The following ARB2A variants were observed in gnomAD, a reference collection of about 807,000 sequenced individuals.
ARB2A encodes the protein cotranscriptional regulator ARB2A.
the ARB2A span, among the ~76,000 whole-genome samples, chr5:93,785,149 A>C: frequency 6.6e-6 from 1 of 152,184 alleles, no homozygotes; most frequent in South Asian, 2.1e-4. Context: ...ATAACAAAAA[A>C]AGATTTGCTT....
the ARB2A span, among the ~76,000 whole-genome samples, chr5:94,091,456 A>G: frequency 6.6e-6 from 1 of 152,200 alleles, no homozygotes; most frequent in East Asian, 1.9e-4. Context: ...ATCAAAGAAC[A>G]GGATACAGAT....
chr5:93,989,710 G>A, the ARB2A span, among the ~76,000 whole-genome samples: 2 of 152,036 alleles, frequency 1.3e-5, no homozygotes, highest in African/African-American at 2.4e-5. Context: ...CTTTAATACT[G>A]GGTATATTCA....
the ARB2A span, among the ~76,000 whole-genome samples, chr5:93,698,778 C>T: frequency 6.6e-6 from 1 of 152,122 alleles, no homozygotes; most frequent in Admixed American, 6.6e-5. Context: ...ATATGTTAGG[C>T]ATTGAAGCAA....
chr5:94,016,927 T>C, the ARB2A span, among the ~76,000 whole-genome samples: 1 of 152,182 alleles, frequency 6.6e-6, no homozygotes. Flanking sequence ...ATCAAGGACT[T>C]GATGGGGTGA....
At chr5:93,655,863 G>C in the ARB2A span, among the ~76,000 whole-genome samples, 1 of 152,166 alleles carries the variant, frequency 6.6e-6, no homozygotes, top group Non-Finnish European at 1.5e-5. Flanking sequence ...TCCTGTCTCA[G>C]TCACTCTTCA....
At chr5:94,067,123 T>G in the ARB2A span, among the ~76,000 whole-genome samples, 2 of 152,312 alleles carry the variant, frequency 1.3e-5, no homozygotes, top group Admixed American at 1.3e-4. Flanking sequence ...GTGAAAGCAT[T>G]TGATAAAATT....
the ARB2A span, among the ~76,000 whole-genome samples, chr5:94,046,788 T>C: frequency 1.3e-5 from 2 of 152,210 alleles, no homozygotes; most frequent in Non-Finnish European, 2.9e-5. Flanking sequence ...AACCTGCTTT[T>C]TGGTTACAGA....
chr5:93,681,841 C>T, the ARB2A span, among the ~76,000 whole-genome samples: 1 of 152,078 alleles, frequency 6.6e-6, no homozygotes, highest in East Asian at 1.9e-4. Context: ...GGAATCTAAA[C>T]CAGGAGTCCA....
At chr5:93,687,457 G>T in the ARB2A span, among the ~76,000 whole-genome samples, 1 of 152,110 alleles carries the variant, frequency 6.6e-6, no homozygotes, top group African/African-American at 2.4e-5. Flanking sequence ...GCCAAAAAAG[G>T]AAGAAAAATG....
chr5:94,050,815 G>A, the ARB2A span: 1 of 1,610,726 alleles, frequency 6.2e-7, no homozygotes, highest in Admixed American at 1.7e-5. Flanking sequence ...CAGTTTTTAT[G>A]TGTCTTAACT....
the ARB2A span, among the ~76,000 whole-genome samples, chr5:93,851,107 G>A: frequency 1.3e-5 from 2 of 152,022 alleles, no homozygotes; most frequent in African/African-American, 4.8e-5. Flanking sequence ...TTATATTTCA[G>A]GGACTGTTAT....
the ARB2A span, among the ~76,000 whole-genome samples, chr5:94,048,394 A>G: frequency 6.6e-6 from 1 of 152,028 alleles, no homozygotes; most frequent in Non-Finnish European, 1.5e-5. Flanking sequence ...TACTCAGGGC[A>G]TTGAATATAT....
the ARB2A span, chr5:93,824,026 C>G: frequency 1.4e-6 from 1 of 723,598 alleles, no homozygotes; most frequent in Non-Finnish European, 2.0e-6. Context: ...ATTATTTACT[C>G]AAAATATGTT....
the ARB2A span, among the ~76,000 whole-genome samples, chr5:93,826,437 C>T: frequency 6.6e-6 from 1 of 152,256 alleles, no homozygotes; most frequent in Admixed American, 6.5e-5. Flanking sequence ...TCCAGAGCCA[C>T]AAAGCCAACT....
At chr5:94,099,533 A>G in the ARB2A span, among the ~76,000 whole-genome samples, 1 of 147,598 alleles carries the variant, frequency 6.8e-6, no homozygotes, top group Non-Finnish European at 1.5e-5. Context: ...CTGAGGCAGG[A>G]GAATCGCATG....
the ARB2A span, among the ~76,000 whole-genome samples, chr5:93,945,778 T>C: frequency 6.6e-6 from 1 of 151,936 alleles, no homozygotes; most frequent in African/African-American, 2.4e-5. Flanking sequence ...TGAATATAAA[T>C]GGAAAGACAT....
the ARB2A span, among the ~76,000 whole-genome samples, chr5:94,083,082 CCATCGCT>C: frequency 1.3e-5 from 2 of 152,212 alleles, no homozygotes; most frequent in Non-Finnish European, 2.9e-5. Context: ...CAAAAGACCA[CCATCGCT>C]TAGCCATACT....
chr5:93,986,112 C>T, the ARB2A span, among the ~76,000 whole-genome samples: 1 of 150,138 alleles, frequency 6.7e-6, no homozygotes, highest in Non-Finnish European at 1.5e-5. Context: ...CCTGCCGCCA[C>T]CCCGTCTGGG....
chr5:93,835,941 T>C, the ARB2A span, among the ~76,000 whole-genome samples: 83 of 152,312 alleles, frequency 5.4e-4, no homozygotes, highest in African/African-American at 1.9e-3. Context: ...AAATGGAAGG[T>C]AGATAGTCTA....
Sources: allele counts gnomAD v4.1 joint callset (sites outside exome capture counted in the v4.1 genomes callset), GRCh38; gene constraint gnomAD v4.1.1; transcripts MANE v1.5; gene names NCBI Gene and HGNC (gene_info 2026-07-23, HGNC 2026-07-21).